LUZP2: variants seen among roughly 807,000 people sequenced by gnomAD.
The protein encoded by LUZP2 is leucine zipper protein 2.
Under a neutral mutation model 51.6 loss-of-function variants are expected in LUZP2, and 52 were observed. That is an observed-to-expected ratio of 1.01 (90% CI 0.81 to 1.27). The LOEUF (loss-of-function observed/expected upper bound fraction) is 1.27, where lower values mean the gene tolerates loss of function less well. LUZP2 is among the 50% of genes most tolerant of loss of function. The probability of loss-of-function intolerance (pLI) is 0.00; values close to 1 mark genes in which losing one functional copy is unlikely to be tolerated. For synonymous variants in LUZP2, 154 were observed against 137.3 expected (o/e 1.12, Z -0.85); for missense variants, 436 against 395.4 (o/e 1.10, Z -0.87).
At chr11:24,769,726 T>C (rs2134048224) in intron 5 of LUZP2, among the ~76,000 whole-genome samples, 1 of 151,466 alleles carries the variant, frequency 6.6e-6, no homozygotes, top group South Asian at 2.1e-4. Flanking sequence ...ATTGATTTGT[T>C]TCCTGAGACT....
intron 4 of LUZP2, among the ~76,000 whole-genome samples, chr11:24,741,946 CAT>C: frequency 1.1e-5 from 1 of 94,168 alleles, no homozygotes; most frequent in East Asian, 2.4e-4. Flanking sequence ...TAAATATATA[CAT>C]TTATATATTA....
At chr11:24,816,524 A>ATT (rs1474868687) in intron 5 of LUZP2, among the ~76,000 whole-genome samples, 1 of 152,088 alleles carries the variant, frequency 6.6e-6, no homozygotes, top group Non-Finnish European at 1.5e-5. Context: ...AATAATACCA[A>ATT]TTATATATAC....
At chr11:24,929,636 G>A (rs531956882) in intron 7 of LUZP2, among the ~76,000 whole-genome samples, 10 of 152,118 alleles carry the variant, frequency 6.6e-5, no homozygotes, top group African/African-American at 1.9e-4. Context: ...TTTGTGGCCC[G>A]TCATATGGTC....
At chr11:24,897,374 C>G (rs1280535975) in intron 5 of LUZP2, among the ~76,000 whole-genome samples, 2 of 152,196 alleles carry the variant, frequency 1.3e-5, no homozygotes, top group Non-Finnish European at 2.9e-5. Context: ...TTGTTCTGCT[C>G]TTTCTTTGGG....
At chr11:24,849,295 A>C (rs1851309847) in intron 5 of LUZP2, among the ~76,000 whole-genome samples, 1 of 152,000 alleles carries the variant, frequency 6.6e-6, no homozygotes, top group Admixed American at 6.6e-5. Flanking sequence ...TCTACCTATC[A>C]ACAGGCCCCG....
At chr11:25,034,533 G>C (rs1857790873) in intron 9 of LUZP2, among the ~76,000 whole-genome samples, 1 of 151,936 alleles carries the variant, frequency 6.6e-6, no homozygotes, top group South Asian at 2.1e-4. Context: ...TTGTCTTCCT[G>C]GATTTTTAGT....
chr11:24,756,811 G>A (rs1859793210), intron 4 of LUZP2, among the ~76,000 whole-genome samples: 1 of 152,064 alleles, frequency 6.6e-6, no homozygotes, highest in South Asian at 2.1e-4. Flanking sequence ...CAGGTTGAAG[G>A]CTCAGTCACT....
At chr11:24,699,845 C>A (rs12419778) in intron 1 of LUZP2, among the ~76,000 whole-genome samples, 26,337 of 149,722 alleles carry the variant, frequency 0.18, 2,416 homozygotes, top group East Asian at 0.32. Flanking sequence ...CACTAAGAGA[C>A]AAAGCATAGT....
intron 1 of LUZP2, among the ~76,000 whole-genome samples, chr11:24,691,159 G>T (rs1212212991): frequency 6.6e-6 from 1 of 151,788 alleles, no homozygotes; most frequent in Non-Finnish European, 1.5e-5. Flanking sequence ...CATGTTCTAA[G>T]CAGTCCATTG....
chr11:25,024,312 GAA>G (rs1857422076), intron 9 of LUZP2, among the ~76,000 whole-genome samples: 1 of 152,242 alleles, frequency 6.6e-6, no homozygotes, highest in Non-Finnish European at 1.5e-5. Flanking sequence ...TCAGGCAAGA[GAA>G]AGCAATAAAG....
At chr11:24,790,383 T>A (rs935325309) in intron 5 of LUZP2, among the ~76,000 whole-genome samples, 1 of 152,222 alleles carries the variant, frequency 6.6e-6, no homozygotes, top group Non-Finnish European at 1.5e-5. Context: ...TTGAAACAGT[T>A]GACTATGCTC....
intron 7 of LUZP2, among the ~76,000 whole-genome samples, chr11:24,938,622 ACCACTTCCTC>A (rs1854657860): frequency 6.6e-6 from 1 of 152,082 alleles, no homozygotes; most frequent in Non-Finnish European, 1.5e-5. Flanking sequence ...TCAATGTTGC[ACCACTTCCTC>A]CTTCTTCATG....
chr11:24,692,161 G>A (rs967145243), intron 1 of LUZP2, among the ~76,000 whole-genome samples: 1 of 151,738 alleles, frequency 6.6e-6, no homozygotes, highest in African/African-American at 2.4e-5. Flanking sequence ...TTCAGGGATG[G>A]TGGAATTCTA....
intron 5 of LUZP2, chr11:24,892,358 T>A: frequency 1.0e-6 from 1 of 985,274 alleles, no homozygotes. Context: ...ACCACTGGAG[T>A]AGATGACCTA....
chr11:25,031,915 A>G (rs1250162313), intron 9 of LUZP2, among the ~76,000 whole-genome samples: 1 of 152,170 alleles, frequency 6.6e-6, no homozygotes, highest in Non-Finnish European at 1.5e-5. Flanking sequence ...ACAAAGAACA[A>G]CTAAAATTAC....
At chr11:24,949,293 T>TATC (rs1855003532) in intron 7 of LUZP2, among the ~76,000 whole-genome samples, 1 of 47,762 alleles carries the variant, frequency 2.1e-5, no homozygotes, top group Non-Finnish European at 3.6e-5. Context: ...CTAGATTATC[T>TATC]ATCTATCTAT....
intron 1 of LUZP2, among the ~76,000 whole-genome samples, chr11:24,681,437 A>C (rs1856734347): frequency 6.6e-6 from 1 of 152,208 alleles, no homozygotes; most frequent in African/African-American, 2.4e-5. Flanking sequence ...TGAGCTTTTC[A>C]AATCTAAGGA....
chr11:24,923,189 A>G (rs1565114217), intron 7 of LUZP2, among the ~76,000 whole-genome samples: 1 of 152,008 alleles, frequency 6.6e-6, no homozygotes, highest in Non-Finnish European at 1.5e-5. Flanking sequence ...ATTCCACGAT[A>G]TCGTATTTTT....
At chr11:24,590,318 A>T (rs1006079113) in intron 1 of LUZP2, among the ~76,000 whole-genome samples, 5 of 152,124 alleles carry the variant, frequency 3.3e-5, no homozygotes, top group African/African-American at 1.2e-4. Context: ...ATATTTACGG[A>T]GTACAATTTG....
Sources: allele counts gnomAD v4.1 joint callset (sites outside exome capture counted in the v4.1 genomes callset), GRCh38; gene constraint gnomAD v4.1.1; transcripts MANE v1.5; gene names NCBI Gene and HGNC (gene_info 2026-07-23, HGNC 2026-07-21).